Variants in EIF3L observed in about 807,000 individuals in gnomAD.
The protein encoded by EIF3L is eIEF associated protein HSPC021.
A neutral mutation model predicts 74.6 loss-of-function variants in EIF3L; 32 were observed. That is an observed-to-expected ratio of 0.43 (90% confidence interval 0.32 to 0.58). The LOEUF (loss-of-function observed/expected upper bound fraction) is 0.58. Among genes scored for constraint, EIF3L ranks in the 20% least tolerant of loss-of-function variants. EIF3L has a pLI of 0.06. For synonymous variants in EIF3L, 256 were observed against 254.4 expected (o/e 1.01, Z -0.06); for missense variants, 474 against 707.8 (o/e 0.67, Z 3.75).
intron 1 of EIF3L, chr22:37,849,789 C>T (rs1013257395): frequency 4.1e-5 from 25 of 610,538 alleles, no homozygotes; most frequent in Non-Finnish European, 7.2e-5. Flanking sequence ...CTCGCTGATT[C>T]CCACAGCCTC....
chr22:37,887,307 GAAAAA>G (rs200374247), intron 12 of EIF3L: 9 of 129,474 alleles, frequency 7.0e-5, no homozygotes. Flanking sequence ...CCTGTCTCAA[GAAAAA>G]AAAAAAAGAA....
intron 9 of EIF3L, 109 bp downstream of exon 9, chr22:37,874,633 C>T: frequency 7.8e-7 from 1 of 1,280,784 alleles, no homozygotes; most frequent in African/African-American, 1.5e-5. Flanking sequence ...AGGACTGTTC[C>T]CTCAGGCCAT....
chr22:37,876,083 C>G (rs556577123), intron 10 of EIF3L, 72 bp downstream of exon 10: 5 of 1,507,108 alleles, frequency 3.3e-6, no homozygotes, highest in Non-Finnish European at 4.5e-6. Flanking sequence ...GCCAACCATT[C>G]TTGGTAAACA....
rs184892584 is a variant in EIF3L at position 37,851,891 on chromosome 22, C to T, written c.293+401C>T. On this transcript the variant is annotated intron_variant, in intron 3 of 12. Coordinates refer to ENST00000652021, the MANE Select transcript of EIF3L (RefSeq NM_016091.4). ...CCATGTTGGCCAGGCGTGTGTTGAA[C>T]CCCTGACCTCAAGTGATCCACCCGC... 5.7e-4 allele frequency among the ~76,000 whole-genome samples: 87 copies of T among 152,226 alleles called. 1 individual carries two copies. The highest frequency in any genetic ancestry group is 2.6e-3 in the Admixed American group (40 of 15,272).
At position 37,878,221 on chromosome 22, in the gene EIF3L, T is replaced by G. The variant is rs1434850182; in HGVS notation, c.1575+50T>G. 3.3e-6 allele frequency: 5 copies of G among 1,530,254 alleles called. No homozygotes were observed. In the Admixed American group the frequency reaches 1.0e-4, roughly 32 times the overall value. The allele number at this position is 1,530,254 out of a possible 1,614,324, so 94.8% of individuals were successfully genotyped here. A position where few individuals can be genotyped will look rare whatever the true frequency, so the allele number is the denominator to read the frequency against. ...GTCTTGTATTAAGTGTTCAGTATCT[T>G]TCATTCACTATTGTGGGCACATGAA... On this transcript the variant is annotated intron_variant, in intron 11 of 12. Coordinates refer to ENST00000652021, the MANE Select transcript of EIF3L (RefSeq NM_016091.4).
intron 5 of EIF3L, among the ~76,000 whole-genome samples, chr22:37,860,270 CATT>C (rs1925786225): frequency 1.3e-5 from 2 of 152,180 alleles, no homozygotes; most frequent in African/African-American, 4.8e-5. Flanking sequence ...AAAGCCTTGG[CATT>C]ATTCTTGACT....
chr22:37,888,676 G>A lies in EIF3L; in HGVS notation c.*212G>A, dbSNP rs886768912. On this transcript the variant is annotated 3_prime_UTR_variant, in exon 13 of 13. Coordinates refer to ENST00000652021, the MANE Select transcript of EIF3L (RefSeq NM_016091.4). ...AGGAGAGAATTTGTGGGTTGTGGCA[G>A]TAATACATTTCCCATGTGTCCTGAT... is the stretch of plus-strand genomic sequence containing the variant. 1.7e-5 allele frequency: 10 copies of A among 580,136 alleles called. No individual in the cohort carries two copies. The East Asian group carries it at 2.3e-4, about 13-fold the overall frequency. 35.9% of individuals were successfully genotyped at this position (580,136 alleles called of 1,614,324 possible). A position where few individuals can be genotyped will look rare whatever the true frequency, so the allele number is the denominator to read the frequency against.
chr22:37,856,200 C>T (rs1311303112), intron 4 of EIF3L, among the ~76,000 whole-genome samples: 1 of 152,026 alleles, frequency 6.6e-6, no homozygotes, highest in African/African-American at 2.4e-5. Context: ...CCTCAGCCTC[C>T]CGCGTAGCTG....
At position 37,850,090 on chromosome 22, in the gene EIF3L, G is replaced by A. The variant is rs146662729; in HGVS notation, c.82+27G>A. On this transcript the variant is annotated intron_variant, in intron 2 of 12. Coordinates refer to ENST00000652021, the MANE Select transcript of EIF3L (RefSeq NM_016091.4). ...TGAGACCACGGGTTAGGCTGGCTGAGTACTCGTAGGGATCAGTTCCTTTGG... is the reference window on the plus strand; with the variant it reads ...TGAGACCACGGGTTAGGCTGGCTGAATACTCGTAGGGATCAGTTCCTTTGG... The A allele has an allele frequency of 1.9e-4, 314 of 1,612,656 alleles. 1 individual carries two copies. In the East Asian group the frequency reaches 6.9e-3, roughly 36 times the overall value.
Position 37,870,331 on chromosome 22 carries a change from G to A in EIF3L, c.735G>A (p.Glu245=). 6.2e-7 allele frequency: 1 copy of A among 1,609,726 alleles called. No individual in the cohort carries two copies. Among genetic ancestry groups the A allele is most frequent in the Non-Finnish European group, 8.5e-7 (1 of 1,177,362 alleles). The change falls in exon 8 of 13, where the codon GAG becomes GAA. Residue 245 remains glutamate (E), a synonymous_variant. Coordinates refer to ENST00000652021, the MANE Select transcript of EIF3L (RefSeq NM_016091.4). ...VDKSNINRQL[E]VYTSGGDPES... is the part of the protein sequence containing the mutation. Reference sequence around the variant, plus strand: ...AATCCAACATCAACCGACAGTTGGAGGTATACACAAGCGGAGGTGAGTGCA... The same window carrying A: ...AATCCAACATCAACCGACAGTTGGAAGTATACACAAGCGGAGGTGAGTGCA...
intron 2 of EIF3L, among the ~76,000 whole-genome samples, 166 bp downstream of exon 2, chr22:37,850,229 C>T (rs1925113856): frequency 6.6e-6 from 1 of 152,136 alleles, no homozygotes; most frequent in Non-Finnish European, 1.5e-5. Flanking sequence ...ATAAACCAGG[C>T]TTTTTATCAT....
At chr22:37,865,508 C>T (rs1236340493) in intron 7 of EIF3L, among the ~76,000 whole-genome samples, 1 of 152,050 alleles carries the variant, frequency 6.6e-6, no homozygotes, top group African/African-American at 2.4e-5. Context: ...AAATATAATT[C>T]TTTTCCCCCT....
chr22:37,850,120 T>C (rs1461329582), intron 2 of EIF3L, 57 bp downstream of exon 2: 1 of 1,597,272 alleles, frequency 6.3e-7, no homozygotes, highest in African/African-American at 1.3e-5. Flanking sequence ...CTTTGGAATG[T>C]CTTAGAACCA....
At chr22:37,882,574 G>GTC (rs1927104873) in intron 11 of EIF3L, 2 of 152,150 alleles carry the variant, frequency 1.3e-5, no homozygotes, top group African/African-American at 4.8e-5. Flanking sequence ...CTACTCGGGA[G>GTC]GCTGAGGCAC....
At chr22:37,864,540 CT>C (rs34999265) in intron 7 of EIF3L, among the ~76,000 whole-genome samples, 89,451 of 138,030 alleles carry the variant, frequency 0.65, 28,869 homozygotes, top group East Asian at 0.88. Flanking sequence ...TGTTTACTGG[CT>C]TTTTTTTTTT....
intron 10 of EIF3L, chr22:37,877,317 A>T (rs376505176): frequency 9.3e-6 from 2 of 214,754 alleles, no homozygotes; most frequent in East Asian, 2.0e-4. Context: ...TGCACGGCAC[A>T]TTACTATTTA....
intron 11 of EIF3L, chr22:37,883,331 C>G (rs1310707721): frequency 1.3e-5 from 2 of 152,654 alleles, no homozygotes; most frequent in Admixed American, 1.3e-4. Context: ...TGCATGATCC[C>G]AGCACTTTGG....
intron 5 of EIF3L, among the ~76,000 whole-genome samples, chr22:37,859,518 A>T (rs910770965): frequency 1.3e-5 from 2 of 151,048 alleles, no homozygotes; most frequent in Non-Finnish European, 2.9e-5. Flanking sequence ...AGTAGCTGGG[A>T]TTGCAGGTGC....
chr22:37,862,065 G>T (rs1601761852), intron 5 of EIF3L, among the ~76,000 whole-genome samples: 1 of 152,144 alleles, frequency 6.6e-6, no homozygotes, highest in South Asian at 2.1e-4. Flanking sequence ...CAAACTCCTG[G>T]CCTCAGGTGA....
Sources: gnomAD v4.1 joint callset for allele counts (sites outside exome capture counted in the v4.1 genomes callset) on GRCh38, gnomAD v4.1.1 for gene constraint, MANE v1.5 for transcripts, NCBI Gene and HGNC (gene_info 2026-07-23, HGNC 2026-07-21) for gene names.